The following TXNRD1 variants were observed in gnomAD, a reference collection of about 807,000 sequenced individuals.
TXNRD1 encodes the protein thioredoxin reductase 1, cytoplasmic.
In TXNRD1, 57 loss-of-function variants were observed where a neutral mutation model predicts 80.3. The ratio of observed to expected loss-of-function variants is 0.71; its 90% confidence interval spans 0.57 to 0.89. The LOEUF (loss-of-function observed/expected upper bound fraction) is 0.89, where lower values mean the gene tolerates loss of function less well. Ranked by LOEUF, TXNRD1 falls within the 40% of genes least tolerant of loss-of-function variation. TXNRD1 has a pLI of 0.00. For missense variants in TXNRD1, 730 were observed against 803.0 expected, an observed-to-expected ratio of 0.91 and a Z score of 1.10; for synonymous variants, 291 against 285.2, an observed-to-expected ratio of 1.02 and a Z score of -0.20.
At chr12:104,324,187 C>A (rs1394272527) in intron 10 of TXNRD1, among the ~76,000 whole-genome samples, 1 of 152,006 alleles carries the variant, frequency 6.6e-6, no homozygotes, top group Non-Finnish European at 1.5e-5. Flanking sequence ...AAGCTCTTTT[C>A]CAAGGATTAG....
intron 4 of TXNRD1, chr12:104,304,804 A>G (rs11111987): frequency 0.54 from 865,040 of 1,613,638 alleles, 234,322 homozygotes; most frequent in East Asian, 0.6. Flanking sequence ...ATGTTAACCA[A>G]ATGGGTGAGG....
At chr12:104,285,867 C>A (rs2033960113) in intron 3 of TXNRD1, 1 of 152,200 alleles carries the variant, frequency 6.6e-6, no homozygotes, top group Non-Finnish European at 1.5e-5. Context: ...CGTACTAGAT[C>A]CATTCTCTGT....
intron 1 of TXNRD1, among the ~76,000 whole-genome samples, chr12:104,237,015 A>C (rs1040921015): frequency 6.9e-6 from 1 of 145,058 alleles, no homozygotes; most frequent in African/African-American, 2.5e-5. Context: ...AAAACAGAGG[A>C]GGCATCACAG....
rs1486658997 is a variant in TXNRD1, at chr12:104,311,391, A to G, written c.516A>G (p.Ser172=). 3.7e-6 allele frequency: 6 copies of G among 1,613,508 alleles called. No individual in the cohort carries two copies. ...ACCTTATCATCATTGGAGGTGGCTC[A>G]GGAGGTCTGGCAGCTGCTAAGGCAA... ...DYDLIIIGGG[S]GGLAAAKEAA... Residue 172 remains serine (S), a synonymous_variant, in exon 5 of 17, where the codon TCA becomes TCG. Coordinates refer to ENST00000525566, the MANE Select transcript of TXNRD1 (RefSeq NM_001093771.3).
chr12:104,269,111 G>C (rs922735710), intron 3 of TXNRD1, among the ~76,000 whole-genome samples: 1 of 151,750 alleles, frequency 6.6e-6, no homozygotes, highest in African/African-American at 2.4e-5. Flanking sequence ...CTCCATGTTG[G>C]CCAGGCTGGT....
chr12:104,232,701 C>T (rs550293646), intron 1 of TXNRD1, among the ~76,000 whole-genome samples: 1 of 152,268 alleles, frequency 6.6e-6, no homozygotes, highest in Admixed American at 6.5e-5. Context: ...GAGAAACACA[C>T]CCTTTTAGTC....
chr12:104,256,962 A>G (rs2033265432), intron 2 of TXNRD1, among the ~76,000 whole-genome samples: 2 of 147,268 alleles, frequency 1.4e-5, no homozygotes, highest in East Asian at 3.9e-4. Flanking sequence ...TGAGATGAGA[A>G]TATATTTTCT....
chr12:104,266,941 G>T (rs1333064912), intron 3 of TXNRD1, among the ~76,000 whole-genome samples: 1 of 147,072 alleles, frequency 6.8e-6, no homozygotes, highest in African/African-American at 2.5e-5. Context: ...CAGCCCAGGC[G>T]ACAGAGCGAG....
intron 14 of TXNRD1, among the ~76,000 whole-genome samples, chr12:104,332,798 T>G (rs2036004425): frequency 6.6e-6 from 1 of 150,946 alleles, no homozygotes; most frequent in East Asian, 1.9e-4. Context: ...TTATAGGAAG[T>G]TTCAAAATTA....
chr12:104,216,200 A>G (rs373154417), intron 1 of TXNRD1, among the ~76,000 whole-genome samples: 1 of 152,338 alleles, frequency 6.6e-6, no homozygotes, highest in East Asian at 1.9e-4. Context: ...AGATCTCGGC[A>G]GCGACCCGCC....
intron 16 of TXNRD1, among the ~76,000 whole-genome samples, chr12:104,341,347 C>T (rs538882281): frequency 6.6e-6 from 1 of 152,328 alleles, no homozygotes; most frequent in African/African-American, 2.4e-5. Context: ...AAATCGCACT[C>T]TGTGAACACA....
chr12:104,240,504 T>C (rs552136426), intron 1 of TXNRD1, among the ~76,000 whole-genome samples: 22 of 152,362 alleles, frequency 1.4e-4, no homozygotes, highest in Admixed American at 1.0e-3. Context: ...ATTTTCTGTA[T>C]ATATGTATAA....
chr12:104,349,451 A>G lies in TXNRD1; in HGVS notation c.*1030A>G, dbSNP rs905533914. 2.6e-5 allele frequency: 4 copies of G among 152,654 alleles called. No individual in the cohort carries two copies. The highest frequency in any genetic ancestry group is 7.2e-5 in the African/African-American group (3 of 41,450). The allele number at this position is 152,654 out of a possible 1,614,324, so 9.5% of individuals were successfully genotyped here. ...TTTGTGGTAATTGCTTTTTAAAGGA[A>G]GTTATTAATATCATAAGTTATTATT... On this transcript the variant is annotated 3_prime_UTR_variant, in exon 17 of 17. Coordinates refer to ENST00000525566, the MANE Select transcript of TXNRD1 (RefSeq NM_001093771.3).
chr12:104,289,174 G>A (rs533190525), intron 4 of TXNRD1, 134 bp downstream of exon 4: 2 of 1,037,812 alleles, frequency 1.9e-6, no homozygotes, highest in Non-Finnish European at 2.7e-6. Context: ...GACGAAAAAC[G>A]CTCGTGGGCT....
At chr12:104,265,467 G>A in intron 3 of TXNRD1, 1 of 1,607,610 alleles carries the variant, frequency 6.2e-7, no homozygotes, top group East Asian at 2.2e-5. Context: ...AGTTAAAGAA[G>A]ATGAAGAAGT....
intron 1 of TXNRD1, among the ~76,000 whole-genome samples, chr12:104,230,963 C>G (rs1039093169): frequency 6.6e-6 from 1 of 152,052 alleles, no homozygotes; most frequent in African/African-American, 2.4e-5. Flanking sequence ...GACCATGTTG[C>G]CAGGCACATG....
chr12:104,328,648 A>G (rs1040372534), intron 13 of TXNRD1, among the ~76,000 whole-genome samples: 2 of 150,098 alleles, frequency 1.3e-5, no homozygotes, highest in African/African-American at 4.9e-5. Flanking sequence ...AGTCCCACCT[A>G]CTCTGGAGGC....
chr12:104,231,204 C>A (rs1339042295), intron 1 of TXNRD1, among the ~76,000 whole-genome samples: 1 of 152,176 alleles, frequency 6.6e-6, no homozygotes, highest in Admixed American at 6.5e-5. Flanking sequence ...CTATAACATT[C>A]TCCCCTGTGG....
intron 15 of TXNRD1, among the ~76,000 whole-genome samples, chr12:104,336,917 G>GTC (rs1555218531): frequency 6.6e-6 from 1 of 152,104 alleles, no homozygotes. Flanking sequence ...CTCACACAAT[G>GTC]TAGATACCAT....
Sources: allele counts gnomAD v4.1 joint callset (sites outside exome capture counted in the v4.1 genomes callset), GRCh38; gene constraint gnomAD v4.1.1; transcripts MANE v1.5; gene names NCBI Gene and HGNC (gene_info 2026-07-23, HGNC 2026-07-21).